Variants in KRAS observed in about 807,000 individuals in gnomAD.
KRAS encodes the protein GTPase KRas.
In KRAS, 1 loss-of-function variant was observed where a neutral mutation model predicts 21.0. The ratio of observed to expected loss-of-function variants is 0.05; its 90% CI spans 0.02 to 0.23. KRAS has a LOEUF of 0.23. Ranked by LOEUF, KRAS falls within the 10% of genes least tolerant of loss-of-function variation. KRAS has a pLI of 1.00. For synonymous variants in KRAS, 67 were observed against 72.5 expected, an observed-to-expected ratio of 0.92 and a Z score of 0.39; for missense variants, 107 against 221.8, an observed-to-expected ratio of 0.48 and a Z score of 3.29.
intron 2 of KRAS, among the ~76,000 whole-genome samples, chr12:25,244,256 TAGTA>T (rs1390846863): frequency 2.0e-5 from 3 of 152,166 alleles, no homozygotes; most frequent in Non-Finnish European, 4.4e-5. Flanking sequence ...TTTTTTAAAT[TAGTA>T]CACTAGATGT....
At chr12:25,216,127 G>T (rs1279981550) in intron 4 of KRAS, among the ~76,000 whole-genome samples, 1 of 152,090 alleles carries the variant, frequency 6.6e-6, no homozygotes, top group Non-Finnish European at 1.5e-5. Context: ...TATTTCCAGG[G>T]TATACAAGTG....
At chr12:25,218,130 A>T (rs2141493200) in intron 4 of KRAS, among the ~76,000 whole-genome samples, 1 of 152,280 alleles carries the variant, frequency 6.6e-6, no homozygotes, top group African/African-American at 2.4e-5. Context: ...CAATGTAAGA[A>T]ATTTAAAAAT....
Position 25,205,888 on chromosome 12 carries a change from A to T in KRAS, c.*3907T>A. 4.6e-6 allele frequency: 1 copy of T among 217,548 alleles called. No homozygotes were observed. The highest frequency in any genetic ancestry group is 6.9e-5 in the East Asian group (1 of 14,444). 13.5% of individuals were successfully genotyped at this position (217,548 alleles called of 1,614,324 possible). On this transcript the variant is annotated 3_prime_UTR_variant, in exon 5 of 5. Coordinates refer to ENST00000311936, the MANE Select transcript of KRAS (RefSeq NM_004985.5). ...AAGAAAGTTTCATTTTATGACAGCT[A>T]TTCAGTTTCTCAATGCAGAATTCAT...
At chr12:25,225,468 A>G (rs1951380709) in intron 4 of KRAS, 146 bp downstream of exon 4, 1 of 792,086 alleles carries the variant, frequency 1.3e-6, no homozygotes, top group Non-Finnish European at 2.1e-6. Flanking sequence ...ATTAAGAAGC[A>G]ATGCCCTCTC....
At chr12:25,229,127 C>T (rs1167493364) in intron 2 of KRAS, among the ~76,000 whole-genome samples, 1 of 151,692 alleles carries the variant, frequency 6.6e-6, no homozygotes, top group African/African-American at 2.4e-5. Flanking sequence ...TATTTTACCA[C>T]AAAAAAAAAT....
At chr12:25,220,523 T>C (rs1044281446) in intron 4 of KRAS, among the ~76,000 whole-genome samples, 4 of 150,808 alleles carry the variant, frequency 2.7e-5, no homozygotes, top group African/African-American at 7.4e-5. Flanking sequence ...GGTCAAGAGA[T>C]TGAGACCATA....
chr12:25,225,787 A>C lies in KRAS; in HGVS notation c.291-14T>G. The C allele has an allele frequency of 6.2e-7, 1 of 1,609,966 alleles. No homozygotes were observed. ...TTAATTTGTTCTCTGGGAAAGAAAA[A>C]AAAGTTATAGCACAGTCATTAGTAA... On this transcript the variant is annotated splice_polypyrimidine_tract_variant and intron_variant, in intron 3 of 4. Transcript: ENST00000311936.
rs2955408 is a variant in KRAS, at chr12:25,243,548, A to T, written c.111+1726T>A. Among the ~76,000 whole-genome samples the T allele has an allele frequency of 1.6e-3, 238 of 152,322 alleles. 1 individual carries two copies. The highest frequency in any genetic ancestry group is 5.1e-3 in the African/African-American group (212 of 41,580). On this transcript the variant is annotated intron_variant, in intron 2 of 4. Coordinates refer to ENST00000311936, the MANE Select transcript of KRAS (RefSeq NM_004985.5). ...TCATTAGCAAAAGGTTTCCTAACCC[A>T]CTTTATCACATTCATGACGTCATGC...
At chr12:25,216,943 C>G (rs1395406864) in intron 4 of KRAS, among the ~76,000 whole-genome samples, 1 of 152,102 alleles carries the variant, frequency 6.6e-6, no homozygotes. Flanking sequence ...TTTTTTAAAG[C>G]TGGTATATTT....
intron 4 of KRAS, among the ~76,000 whole-genome samples, chr12:25,218,184 A>G (rs1038651708): frequency 6.6e-6 from 1 of 152,042 alleles, no homozygotes; most frequent in South Asian, 2.1e-4. Flanking sequence ...GTAAAAGCTC[A>G]TATTTTCATA....
At chr12:25,238,333 G>C (rs972587004) in intron 2 of KRAS, among the ~76,000 whole-genome samples, 3 of 152,170 alleles carry the variant, frequency 2.0e-5, no homozygotes, top group Non-Finnish European at 4.4e-5. Context: ...GTGATCACTT[G>C]AAGTCCAGGT....
intron 2 of KRAS, among the ~76,000 whole-genome samples, chr12:25,237,418 C>T (rs1047995247): frequency 5.3e-5 from 8 of 152,104 alleles, no homozygotes; most frequent in Admixed American, 3.9e-4. Context: ...ACAGAGCTTA[C>T]CGACAGGGGA....
intron 4 of KRAS, chr12:25,210,659 G>T (rs954833490): frequency 2.6e-5 from 4 of 152,088 alleles, no homozygotes; most frequent in African/African-American, 4.8e-5. Context: ...CAATTTGGAG[G>T]AGATTCTTTC....
At position 25,209,600 on chromosome 12, in the gene KRAS, C is replaced by A. The variant is rs1592793820; in HGVS notation, c.*195G>T. On this transcript the variant is annotated 3_prime_UTR_variant, in exon 5 of 5. Transcript: ENST00000311936. The stretch of plus-strand genomic sequence containing the variant: ...CATTGCTAGTTCAAAAACCAAAACT[C>A]TGGGAATACTGGCACTTAGAGGAAA... 2.2e-6 allele frequency: 3 copies of A among 1,344,120 alleles called. No homozygotes were observed. The highest frequency in any genetic ancestry group is 2.9e-5 in the East Asian group (1 of 34,802). 83.3% of individuals were successfully genotyped at this position (1,344,120 alleles called of 1,614,324 possible).
chr12:25,232,162 GA>G (rs141922296), intron 2 of KRAS, among the ~76,000 whole-genome samples: 6 of 151,100 alleles, frequency 4.0e-5, no homozygotes, highest in East Asian at 1.9e-4. Flanking sequence ...TTTGGAGGAA[GA>G]AAAAAAAATA....
chr12:25,232,093 C>G (rs1003050995), intron 2 of KRAS, among the ~76,000 whole-genome samples: 1 of 151,914 alleles, frequency 6.6e-6, no homozygotes, highest in Non-Finnish European at 1.5e-5. Context: ...GGGAAAAAAA[C>G]GTGTATCACA....
chr12:25,230,628 C>T (rs1265685361), intron 2 of KRAS, among the ~76,000 whole-genome samples: 1 of 151,944 alleles, frequency 6.6e-6, no homozygotes, highest in African/African-American at 2.4e-5. Flanking sequence ...AACTCTGTCC[C>T]AAAAAAGACA....
intron 2 of KRAS, among the ~76,000 whole-genome samples, chr12:25,228,142 C>T (rs184180915): frequency 3.7e-4 from 55 of 148,530 alleles, no homozygotes; most frequent in Middle Eastern, 7.0e-3. Flanking sequence ...GAAATGCTCA[C>T]TGGAGCATTT....
At chr12:25,214,888 T>A (rs1444006898) in intron 4 of KRAS, among the ~76,000 whole-genome samples, 1 of 152,002 alleles carries the variant, frequency 6.6e-6, no homozygotes, top group Non-Finnish European at 1.5e-5. Context: ...GCGGTAGGAG[T>A]CATCCTAAAA....
Sources: allele counts gnomAD v4.1 joint callset (sites outside exome capture counted in the v4.1 genomes callset), GRCh38; gene constraint gnomAD v4.1.1; transcripts MANE v1.5; gene names NCBI Gene and HGNC (gene_info 2026-07-23, HGNC 2026-07-21).